XIRP2: variants seen among roughly 807,000 people sequenced by gnomAD.
The protein encoded by XIRP2 is xin actin binding repeat containing 2, also known as xin actin-binding repeat-containing protein 2.
Under a neutral mutation model 277.0 loss-of-function variants are expected in XIRP2, and 236 were observed. The ratio of observed to expected loss-of-function variants is 0.85; its 90% confidence interval spans 0.77 to 0.95. The LOEUF is 0.95. Among genes scored for constraint, XIRP2 ranks in the 40% least tolerant of loss-of-function variants. The pLI, the probability that XIRP2 is intolerant of heterozygous loss-of-function variation, is 0.00. For synonymous variants in XIRP2, 1,490 were observed against 1,416.5 expected (o/e 1.05, Z -1.17); for missense variants, 4,640 against 4,157.5 (o/e 1.12, Z -3.19).
chr2:167,030,873 C>T (rs530532310), intron 2 of XIRP2, among the ~76,000 whole-genome samples: 1 of 152,064 alleles, frequency 6.6e-6, no homozygotes, highest in Non-Finnish European at 1.5e-5. Context: ...TCTGGGTGTT[C>T]CTGTATTGGG....
In XIRP2 at chr2:166,936,386, T is replaced by G. The variant is rs1198971485; in HGVS notation, c.408+32496T>G. 2.6e-5 allele frequency among the ~76,000 whole-genome samples: 4 copies of G among 152,266 alleles called. No individual in the cohort carries two copies. The East Asian group carries it at 7.7e-4, about 29-fold the overall frequency. ...TTGCCTGTTCACTCTGATGGTAGTTTCTTTTACTGTGCAGAAGCTCTTTAG... is the reference window on the plus strand; with the variant it reads ...TTGCCTGTTCACTCTGATGGTAGTTGCTTTTACTGTGCAGAAGCTCTTTAG... On this transcript the variant is annotated intron_variant, in intron 2 of 10. Transcript: ENST00000409195.
intron 7 of XIRP2, 118 bp downstream of exon 7, chr2:167,240,854 C>T (rs926553848): frequency 2.3e-6 from 2 of 870,970 alleles, no homozygotes. Context: ...AACTATGACT[C>T]ATGGTTCCAG....
intron 2 of XIRP2, among the ~76,000 whole-genome samples, chr2:167,029,649 A>T (rs757774492): frequency 6.6e-6 from 1 of 152,066 alleles, no homozygotes; most frequent in African/African-American, 2.4e-5. Context: ...TTCATCAGGT[A>T]TATTGGCGTG....
At chr2:167,255,012 G>T (rs1004654116) in intron 10 of XIRP2, among the ~76,000 whole-genome samples, 3 of 149,446 alleles carry the variant, frequency 2.0e-5, no homozygotes, top group Non-Finnish European at 4.5e-5. Flanking sequence ...TTTTTCCCTT[G>T]GTTTCCATAA....
intron 2 of XIRP2, among the ~76,000 whole-genome samples, chr2:167,101,506 G>A (rs750337280): frequency 1.3e-5 from 2 of 152,096 alleles, no homozygotes; most frequent in Non-Finnish European, 2.9e-5. Context: ...GATGTCCATT[G>A]TATCATTCTT....
At chr2:166,929,371 G>A (rs987593277) in intron 2 of XIRP2, among the ~76,000 whole-genome samples, 3 of 152,020 alleles carry the variant, frequency 2.0e-5, no homozygotes, top group African/African-American at 4.8e-5. Flanking sequence ...CTTCAGTCAC[G>A]TTGATAAGAA....
At position 167,254,144 on chromosome 2, in the gene XIRP2, A is replaced by G. The variant is rs1695596118; in HGVS notation, c.*18A>G. 6.2e-7 allele frequency: 1 copy of G among 1,609,794 alleles called. No individual in the cohort carries two copies. Among genetic ancestry groups the G allele is most frequent in the Non-Finnish European group, 8.5e-7 (1 of 1,177,784 alleles). ...TTTCATAAGTCCTGCTTCCGATGCC[A>G]CCATTGCAACAGTAAACTAAGGTAA... is the stretch of plus-strand genomic sequence containing the variant. On this transcript the variant is annotated 3_prime_UTR_variant, in exon 10 of 11. Transcript: ENST00000409195.
At chr2:167,132,721 A>T (rs6432978) in intron 2 of XIRP2, among the ~76,000 whole-genome samples, 16,829 of 152,080 alleles carry the variant, frequency 0.11, 1,939 homozygotes, top group African/African-American at 0.29. Context: ...AGTCCAGGAC[A>T]TTTGCACATA....
intron 2 of XIRP2, among the ~76,000 whole-genome samples, chr2:167,113,697 T>G (rs1417293937): frequency 6.6e-6 from 1 of 152,214 alleles, no homozygotes; most frequent in Non-Finnish European, 1.5e-5. Context: ...TAGCTGGTTA[T>G]TATGCAGACT....
At chr2:167,173,638 A>T (rs1314891546) in intron 3 of XIRP2, among the ~76,000 whole-genome samples, 2 of 152,146 alleles carry the variant, frequency 1.3e-5, no homozygotes, top group Non-Finnish European at 2.9e-5. Context: ...TTTTTTGAGG[A>T]AATATACCCA....
intron 2 of XIRP2, among the ~76,000 whole-genome samples, chr2:166,976,192 A>C (rs559144210): frequency 6.6e-6 from 1 of 152,198 alleles, no homozygotes; most frequent in South Asian, 2.1e-4. Context: ...TCTGTTACAT[A>C]AGCCAAATCA....
intron 2 of XIRP2, among the ~76,000 whole-genome samples, chr2:166,973,255 ATGTTT>A (rs1179745807): frequency 1.3e-5 from 2 of 152,200 alleles, no homozygotes; most frequent in African/African-American, 4.8e-5. Context: ...TGAAAATTTG[ATGTTT>A]TGTTATCAGG....
chr2:167,254,310 T>A, intron 10 of XIRP2, 145 bp downstream of exon 10: 1 of 1,047,778 alleles, frequency 9.5e-7, no homozygotes, highest in Non-Finnish European at 1.3e-6. Context: ...GCTCATGTTC[T>A]GTGATGTATT....
In XIRP2 at chr2:167,169,730, G is replaced by T. The variant is rs553399960; in HGVS notation, c.562+33668G>T. Among the ~76,000 whole-genome samples the T allele has an allele frequency of 4.6e-5, 7 of 152,278 alleles. No homozygotes were observed. In the South Asian group the frequency reaches 1.4e-3, roughly 32 times the overall value. ...TCTGATTGTTTGCAGCTAGTATTTA[G>T]AAACAGTATTTATTTGGGTATATTG... On this transcript the variant is annotated intron_variant, in intron 3 of 10. Transcript: ENST00000409195.
chr2:166,905,163 G>T (rs74699053), intron 2 of XIRP2, among the ~76,000 whole-genome samples: 9,320 of 151,956 alleles, frequency 0.061, 916 homozygotes, highest in East Asian at 0.49. Context: ...TTAGATGAAT[G>T]TTTAGGGATT....
At chr2:166,974,907 A>G (rs1248644077) in intron 2 of XIRP2, among the ~76,000 whole-genome samples, 1 of 152,088 alleles carries the variant, frequency 6.6e-6, no homozygotes, top group East Asian at 1.9e-4. Flanking sequence ...ATTTTAAAAT[A>G]AACAACATAT....
chr2:166,912,081 G>T (rs1030249548), intron 2 of XIRP2, among the ~76,000 whole-genome samples: 3 of 152,088 alleles, frequency 2.0e-5, no homozygotes, highest in Admixed American at 2.0e-4. Flanking sequence ...TGACAATTAT[G>T]TGTCTTGGAG....
chr2:167,000,550 A>C (rs1329460064), intron 2 of XIRP2, among the ~76,000 whole-genome samples: 1 of 150,528 alleles, frequency 6.6e-6, no homozygotes, highest in African/African-American at 2.4e-5. Context: ...TGGCTTTAGA[A>C]GTGGTATGGA....
At chr2:167,009,245 G>A (rs888478891) in intron 2 of XIRP2, among the ~76,000 whole-genome samples, 2 of 122,448 alleles carry the variant, frequency 1.6e-5, no homozygotes, top group African/African-American at 6.4e-5. Context: ...CCCAGAGTGT[G>A]ATGTTCCCCT....
Sources: gnomAD v4.1 joint callset for allele counts (sites outside exome capture counted in the v4.1 genomes callset) on GRCh38, gnomAD v4.1.1 for gene constraint, MANE v1.5 for transcripts, NCBI Gene and HGNC (gene_info 2026-07-23, HGNC 2026-07-21) for gene names.